CDH13: variants seen among roughly 807,000 people sequenced by gnomAD.
CDH13 encodes cadherin 13.
A neutral mutation model predicts 63.8 loss-of-function variants in CDH13; 24 were observed. The ratio of observed to expected loss-of-function variants is 0.38; its 90% confidence interval spans 0.27 to 0.53. The LOEUF is 0.53. Ranked by LOEUF, CDH13 falls within the 20% of genes least tolerant of loss-of-function variation. CDH13 has a pLI of 0.85. For synonymous variants in CDH13, 503 were observed against 355.3 expected, an observed-to-expected ratio of 1.42 and a Z score of -4.67; for missense variants, 1,049 against 903.1, an observed-to-expected ratio of 1.16 and a Z score of -2.07.
At chr16:82,669,174 C>T (rs1001754068) in intron 1 of CDH13, among the ~76,000 whole-genome samples, 8 of 152,186 alleles carry the variant, frequency 5.3e-5, no homozygotes, top group Admixed American at 2.6e-4. Context: ...TACAGACCAT[C>T]GGAAACCTCT....
chr16:83,602,398 A>G, intron 7 of CDH13, 56 bp from the exon 8 acceptor site: 1 of 1,601,856 alleles, frequency 6.2e-7, no homozygotes. Context: ...CCACCTTTCC[A>G]AAGCAGTAAC....
At chr16:83,611,573 A>G (rs994243199) in intron 8 of CDH13, among the ~76,000 whole-genome samples, 4 of 151,348 alleles carry the variant, frequency 2.6e-5, no homozygotes, top group African/African-American at 9.7e-5. Context: ...ATCTTTCACC[A>G]TTTATTTTTC....
chr16:82,870,672 C>G (rs1228904297), intron 2 of CDH13, among the ~76,000 whole-genome samples: 2 of 152,048 alleles, frequency 1.3e-5, no homozygotes, highest in Admixed American at 6.5e-5. Context: ...TGATAAAGGT[C>G]TGAAGTGATG....
chr16:82,750,573 C>T lies in CDH13; in HGVS notation c.46-107789C>T, dbSNP rs577686820. 6.6e-5 allele frequency among the ~76,000 whole-genome samples: 10 copies of T among 152,316 alleles called. No individual in the cohort carries two copies. The East Asian group carries it at 7.7e-4, about 12-fold the overall frequency. ...AAGGTTCCAAGGACTTTTCTGAAAGCTGAGCCCATTTTTGTTCACCATTCT... is the reference window on the plus strand; with the variant it reads ...AAGGTTCCAAGGACTTTTCTGAAAGTTGAGCCCATTTTTGTTCACCATTCT... On this transcript the variant is annotated intron_variant, in intron 1 of 13. Transcript: ENST00000567109.
chr16:82,696,586 C>T (rs2030317568), intron 1 of CDH13, among the ~76,000 whole-genome samples: 1 of 152,170 alleles, frequency 6.6e-6, no homozygotes, highest in Non-Finnish European at 1.5e-5. Flanking sequence ...ATGCCCATAG[C>T]TCATGTTGCA....
intron 8 of CDH13, among the ~76,000 whole-genome samples, chr16:83,644,913 A>G (rs1489604409): frequency 6.6e-6 from 1 of 152,208 alleles, no homozygotes; most frequent in East Asian, 1.9e-4. Context: ...TAGCTCCTCT[A>G]GAATCCAGGG....
chr16:83,446,186 C>A (rs1301237261), intron 6 of CDH13, among the ~76,000 whole-genome samples: 2 of 151,594 alleles, frequency 1.3e-5, no homozygotes, highest in Non-Finnish European at 2.9e-5. Flanking sequence ...GCCTGTAATC[C>A]CAGCTATTTA....
intron 7 of CDH13, among the ~76,000 whole-genome samples, chr16:83,520,970 C>T (rs1408753655): frequency 6.6e-6 from 1 of 152,026 alleles, no homozygotes; most frequent in Non-Finnish European, 1.5e-5. Context: ...AGGTTTCAAC[C>T]ATCGCCTCCC....
chr16:83,422,923 A>G (rs972731129), intron 6 of CDH13, among the ~76,000 whole-genome samples: 1 of 152,200 alleles, frequency 6.6e-6, no homozygotes, highest in African/African-American at 2.4e-5. Context: ...GAATTTGGCA[A>G]TTATTTCCTG....
chr16:83,416,694 C>G (rs2071559557), intron 6 of CDH13, among the ~76,000 whole-genome samples: 1 of 152,144 alleles, frequency 6.6e-6, no homozygotes, highest in African/African-American at 2.4e-5. Flanking sequence ...CCTTCAGGCA[C>G]TATTCATAGG....
At chr16:83,424,182 C>T (rs541434981) in intron 6 of CDH13, among the ~76,000 whole-genome samples, 4 of 150,866 alleles carry the variant, frequency 2.7e-5, no homozygotes, top group African/African-American at 4.9e-5. Flanking sequence ...AAATCTAACA[C>T]GTACTGAACA....
chr16:82,705,493 C>G (rs1359932326), intron 1 of CDH13, among the ~76,000 whole-genome samples: 1 of 152,182 alleles, frequency 6.6e-6, no homozygotes, highest in African/African-American at 2.4e-5. Flanking sequence ...CTTTACTCAA[C>G]TACTTTTTGA....
intron 1 of CDH13, among the ~76,000 whole-genome samples, chr16:82,675,193 G>C (rs1913757803): frequency 6.6e-6 from 1 of 152,188 alleles, no homozygotes; most frequent in Middle Eastern, 3.2e-3. Context: ...GTGAATTAGA[G>C]GGAGATAATT....
chr16:83,128,804 C>G (rs1284434955), intron 4 of CDH13, among the ~76,000 whole-genome samples: 1 of 152,156 alleles, frequency 6.6e-6, no homozygotes, highest in Non-Finnish European at 1.5e-5. Flanking sequence ...ATTTGGTTTG[C>G]AAGCTGAGGA....
chr16:82,937,324 T>A (rs138376178), intron 2 of CDH13, among the ~76,000 whole-genome samples: 2 of 152,110 alleles, frequency 1.3e-5, no homozygotes, highest in African/African-American at 4.8e-5. Flanking sequence ...TTACTTTTCA[T>A]TGGAGGTTGG....
At chr16:83,755,499 A>C (rs3096240) in intron 11 of CDH13, among the ~76,000 whole-genome samples, 1 of 149,810 alleles carries the variant, frequency 6.7e-6, no homozygotes, top group Non-Finnish European at 1.5e-5. Flanking sequence ...ACACACCTCA[A>C]ACACTGAAAT....
At chr16:83,511,601 A>G (rs2074567636) in intron 7 of CDH13, among the ~76,000 whole-genome samples, 1 of 152,244 alleles carries the variant, frequency 6.6e-6, no homozygotes, top group Admixed American at 6.5e-5. Flanking sequence ...AAATTTTACC[A>G]TACAAACATA....
At chr16:82,799,571 A>G (rs972631091) in intron 1 of CDH13, among the ~76,000 whole-genome samples, 12 of 152,248 alleles carry the variant, frequency 7.9e-5, no homozygotes, top group Non-Finnish European at 1.6e-4. Context: ...GGAGAAATAA[A>G]TGGAAAACTC....
At chr16:82,911,536 C>G (rs2041829488) in intron 2 of CDH13, among the ~76,000 whole-genome samples, 2 of 152,156 alleles carry the variant, frequency 1.3e-5, no homozygotes, top group African/African-American at 4.8e-5. Flanking sequence ...TTCTCTAACT[C>G]TGTGTCTCCA....
Sources: allele counts gnomAD v4.1 joint callset (sites outside exome capture counted in the v4.1 genomes callset), GRCh38; gene constraint gnomAD v4.1.1; transcripts MANE v1.5; gene names NCBI Gene and HGNC (gene_info 2026-07-23, HGNC 2026-07-21).